FHIP1A: variants seen among roughly 807,000 people sequenced by gnomAD.
FHIP1A encodes the protein FHF complex subunit HOOK interacting protein 1A.
Under a neutral mutation model 88.6 loss-of-function variants are expected in FHIP1A, and 61 were observed. That is an observed-to-expected ratio of 0.69 (90% CI 0.56 to 0.85). The LOEUF (loss-of-function observed/expected upper bound fraction) is 0.85. Ranked by LOEUF, FHIP1A falls within the 40% of genes least tolerant of loss-of-function variation. The pLI, the probability that FHIP1A is intolerant of heterozygous loss-of-function variation, is 0.00. For synonymous variants in FHIP1A, 478 were observed against 496.0 expected (o/e 0.96, Z 0.48); for missense variants, 1,154 against 1,273.5 (o/e 0.91, Z 1.43).
chr4:151,652,823 G>A (rs567175798), intron 11 of FHIP1A, among the ~76,000 whole-genome samples: 167 of 152,358 alleles, frequency 1.1e-3, no homozygotes, highest in African/African-American at 3.9e-3. Flanking sequence ...ATTGGGTGGG[G>A]AGGTGGGAGA....
At chr4:151,477,965 A>G (rs1580612506) in intron 2 of FHIP1A, among the ~76,000 whole-genome samples, 1 of 152,166 alleles carries the variant, frequency 6.6e-6, no homozygotes, top group African/African-American at 2.4e-5. Context: ...ATACAAAAAC[A>G]CAGTCCTAGA....
At chr4:151,419,338 GTTA>G (rs983514502) in intron 1 of FHIP1A, among the ~76,000 whole-genome samples, 20 of 152,252 alleles carry the variant, frequency 1.3e-4, no homozygotes, top group African/African-American at 4.6e-4. Context: ...TATAACTTAT[GTTA>G]TTGTCTCTCT....
At chr4:151,562,638 A>G (rs1662746822) in intron 3 of FHIP1A, among the ~76,000 whole-genome samples, 1 of 152,194 alleles carries the variant, frequency 6.6e-6, no homozygotes, top group Non-Finnish European at 1.5e-5. Flanking sequence ...TTAAACAGAT[A>G]AAAGAATTGA....
In FHIP1A at chr4:151,662,661, C is replaced by A. The variant is rs1427783871; in HGVS notation, c.3030C>A (p.Phe1010Leu). Residue 1010 changes from phenylalanine to leucine, a missense_variant, in exon 14 of 14, where the codon TTC (phenylalanine) becomes TTA (leucine). By Grantham distance (22) the Phe-to-Leu change is conservative (BLOSUM62 0). Transcript: ENST00000435205. Reference sequence around the variant, plus strand: ...ACCCCATGCTGGCTGCTGCCCTCTTCCCAGAGTTCCTGAAGGAGCTGGCGG... The same window carrying A: ...ACCCCATGCTGGCTGCTGCCCTCTTACCAGAGTTCCTGAAGGAGCTGGCGG... ...VRNPMLAAALFPEFLKELAAL... is the reference protein window; with the variant it reads ...VRNPMLAAALLPEFLKELAAL... The A allele has an allele frequency of 1.3e-6, 2 of 1,551,662 alleles. No individual in the cohort carries two copies. Among genetic ancestry groups the A allele is most frequent in the African/African-American group, 2.7e-5 (2 of 73,148 alleles).
chr4:151,566,392 T>C (rs1291810017), intron 4 of FHIP1A, 28 bp downstream of exon 4: 3 of 1,393,596 alleles, frequency 2.2e-6, no homozygotes, highest in Non-Finnish European at 3.0e-6. Context: ...CTTTTTTTGC[T>C]GGTCTCAGTA....
intron 1 of FHIP1A, among the ~76,000 whole-genome samples, chr4:151,411,133 T>C (rs1161832751): frequency 3.3e-5 from 5 of 152,172 alleles, no homozygotes; most frequent in South Asian, 2.1e-4. Flanking sequence ...GAGTGTTTTA[T>C]TTTTACATAG....
intron 2 of FHIP1A, among the ~76,000 whole-genome samples, chr4:151,477,926 G>C (rs888895582): frequency 1.1e-4 from 17 of 151,984 alleles, no homozygotes; most frequent in South Asian, 4.1e-4. Context: ...GCTTTATCTA[G>C]GAATTTCAGT....
intron 3 of FHIP1A, among the ~76,000 whole-genome samples, chr4:151,548,474 G>A (rs1732592819): frequency 2.0e-5 from 3 of 152,178 alleles, no homozygotes; most frequent in Non-Finnish European, 4.4e-5. Flanking sequence ...TAAAGACCTT[G>A]CTGATAAAAC....
intron 3 of FHIP1A, among the ~76,000 whole-genome samples, chr4:151,553,325 A>G (rs1018060500): frequency 4.6e-5 from 7 of 152,328 alleles, no homozygotes; most frequent in Non-Finnish European, 8.8e-5. Context: ...AAAACAGGGA[A>G]TATATACAAC....
At chr4:151,447,616 C>T (rs1440126866) in intron 1 of FHIP1A, among the ~76,000 whole-genome samples, 2 of 152,034 alleles carry the variant, frequency 1.3e-5, no homozygotes, top group African/African-American at 4.8e-5. Context: ...CTGAATTGTG[C>T]CCACTCAAAA....
At chr4:151,558,893 C>T (rs1733061564) in intron 3 of FHIP1A, among the ~76,000 whole-genome samples, 1 of 152,178 alleles carries the variant, frequency 6.6e-6, no homozygotes, top group African/African-American at 2.4e-5. Flanking sequence ...ATTTAATTCA[C>T]TGAGTATTGT....
At chr4:151,646,878 G>A in intron 10 of FHIP1A, 130 bp downstream of exon 10, 1 of 629,658 alleles carries the variant, frequency 1.6e-6, no homozygotes, top group Non-Finnish European at 2.7e-6. Context: ...GACTAGTTAG[G>A]ATCCTTTTCT....
At chr4:151,540,996 T>C (rs1318208516) in intron 3 of FHIP1A, among the ~76,000 whole-genome samples, 1 of 152,224 alleles carries the variant, frequency 6.6e-6, no homozygotes, top group African/African-American at 2.4e-5. Flanking sequence ...CTCGTGCTTT[T>C]TGAGTATGTA....
rs1028660561 is a variant in FHIP1A, at chr4:151,656,308, C to T, written c.2628C>T (p.Ile876=). The part of the protein sequence containing the change: ...ENSLHVNLLL[I]GIITQLASYP... ...CTTTACATGTTAATTTGCTGCTTATCGGGATCATTACTCAGCTAGCCAGCT... is the reference window on the plus strand; with the variant it reads ...CTTTACATGTTAATTTGCTGCTTATTGGGATCATTACTCAGCTAGCCAGCT... The change falls in exon 12 of 14, where the codon ATC becomes ATT. Residue 876 remains isoleucine (I), a synonymous_variant. Transcript: ENST00000435205. This position sits in a 1 kb window ranked among gnomAD's most constrained non-coding sequence, Gnocchi z 4.2. 7.7e-6 allele frequency: 12 copies of T among 1,551,566 alleles called. No individual in the cohort carries two copies. Among genetic ancestry groups the T allele is most frequent in the Non-Finnish European group, 8.7e-6 (10 of 1,146,908 alleles).
intron 7 of FHIP1A, among the ~76,000 whole-genome samples, chr4:151,597,063 C>G (rs1172402136): frequency 1.3e-5 from 2 of 152,058 alleles, no homozygotes; most frequent in Non-Finnish European, 2.9e-5. Flanking sequence ...AGTTTTGTTC[C>G]CTTGCTGGCG....
intron 3 of FHIP1A, among the ~76,000 whole-genome samples, chr4:151,560,130 A>G (rs1733115001): frequency 6.6e-6 from 1 of 152,180 alleles, no homozygotes; most frequent in Non-Finnish European, 1.5e-5. Context: ...ATGGATGTAT[A>G]TGGAATTTTA....
chr4:151,411,468 G>A (rs1732645056), intron 1 of FHIP1A, among the ~76,000 whole-genome samples: 1 of 151,058 alleles, frequency 6.6e-6, no homozygotes, highest in African/African-American at 2.4e-5. Context: ...TCCCACCTTA[G>A]CCTCCTGAGT....
chr4:151,527,220 C>G lies in FHIP1A; in HGVS notation c.-122-38918C>G, dbSNP rs531088864. ...CGAGCCGAGATCACGCCACTGCACT[C>G]CAGCCTGGGCACCATTGAGCACTGA... On this transcript the variant is annotated intron_variant, in intron 3 of 13. Transcript: ENST00000435205. Among the ~76,000 whole-genome samples, 402 of 152,320 alleles carry G rather than the reference C, an allele frequency of 2.6e-3. 1 individual carries two copies. Among genetic ancestry groups the G allele is most frequent in the African/African-American group, 9.2e-3 (384 of 41,570 alleles).
At chr4:151,432,868 G>A (rs1453595997) in intron 1 of FHIP1A, among the ~76,000 whole-genome samples, 1 of 152,172 alleles carries the variant, frequency 6.6e-6, no homozygotes, top group Admixed American at 6.5e-5. Flanking sequence ...CTAGTCAAGT[G>A]CAGGGGGAGG....
Sources: allele counts gnomAD v4.1 joint callset (sites outside exome capture counted in the v4.1 genomes callset), GRCh38; gene constraint gnomAD v4.1.1; non-coding constraint Gnocchi (gnomAD v3.1); transcripts MANE v1.5; gene names NCBI Gene and HGNC (gene_info 2026-07-23, HGNC 2026-07-21).